BNC2: variants seen among roughly 807,000 people sequenced by gnomAD.
BNC2 encodes the protein zinc finger protein basonuclin-2.
Under a neutral mutation model 76.3 loss-of-function variants are expected in BNC2, and 20 were observed. The ratio of observed to expected loss-of-function variants is 0.26; its 90% CI spans 0.18 to 0.38. The LOEUF is 0.38. BNC2 is among the 10% of genes least tolerant of loss of function. The pLI is 1.00. For synonymous variants in BNC2, 582 were observed against 514.8 expected (o/e 1.13, Z -1.77); for missense variants, 1,382 against 1,399.8 (o/e 0.99, Z 0.20).
chr9:16,418,877 A>G lies in BNC2; in HGVS notation c.*112T>C, dbSNP rs985235387. 2.5e-3 allele frequency: 2,461 copies of G among 1,000,596 alleles called. 4 individuals are homozygous for G. The highest frequency in any genetic ancestry group is 3.2e-3 in the Non-Finnish European group (2,102 of 649,982). 62.0% of individuals were successfully genotyped at this position (1,000,596 alleles called of 1,614,324 possible). Reference sequence around the variant, plus strand: ...AGCCACAGAGCATACATAAATGCACACACACACACACACACACACACACCC... The same window carrying G: ...AGCCACAGAGCATACATAAATGCACGCACACACACACACACACACACACCC... On this transcript the variant is annotated 3_prime_UTR_variant, in exon 7 of 7. Transcript: ENST00000380672.
chr9:16,681,777 T>C (rs1415207980), intron 3 of BNC2, among the ~76,000 whole-genome samples: 1 of 152,166 alleles, frequency 6.6e-6, no homozygotes, highest in Non-Finnish European at 1.5e-5. Flanking sequence ...GGGCTGATGT[T>C]AGAAAATCAA....
intron 5 of BNC2, among the ~76,000 whole-genome samples, chr9:16,470,511 C>T (rs1048349865): frequency 6.6e-6 from 1 of 152,210 alleles, no homozygotes; most frequent in African/African-American, 2.4e-5. Flanking sequence ...CCTCCCATCA[C>T]AGGCCCAGAG....
At chr9:16,454,312 T>C (rs149404110) in intron 5 of BNC2, among the ~76,000 whole-genome samples, 8 of 151,480 alleles carry the variant, frequency 5.3e-5, no homozygotes, top group African/African-American at 1.7e-4. Flanking sequence ...TTATTATTTT[T>C]TAATTTTAGA....
intron 3 of BNC2, among the ~76,000 whole-genome samples, chr9:16,636,629 A>G (rs1183772704): frequency 1.3e-5 from 2 of 152,166 alleles, no homozygotes; most frequent in Non-Finnish European, 2.9e-5. Context: ...TAATGCCTAC[A>G]TATCTATATG....
At chr9:16,644,426 A>G (rs1821569521) in intron 3 of BNC2, among the ~76,000 whole-genome samples, 1 of 152,180 alleles carries the variant, frequency 6.6e-6, no homozygotes, top group Admixed American at 6.6e-5. Flanking sequence ...ACAGGCAACA[A>G]AACTTAAAAT....
chr9:16,805,078 G>A (rs568287898), intron 1 of BNC2, among the ~76,000 whole-genome samples: 1 of 151,994 alleles, frequency 6.6e-6, no homozygotes, highest in Non-Finnish European at 1.5e-5. Flanking sequence ...AAAAAAAGTG[G>A]TGTGGGGATC....
chr9:16,510,290 G>A lies in BNC2; in HGVS notation c.669+42240C>T, dbSNP rs367729901. Among the ~76,000 whole-genome samples the A allele has an allele frequency of 2.6e-5, 4 of 152,258 alleles. No individual in the cohort carries two copies. The East Asian group carries it at 7.7e-4, about 29-fold the overall frequency. On this transcript the variant is annotated intron_variant, in intron 5 of 6. Transcript: ENST00000380672. ...CAGCCTCCTGCTAGGCCTGCATCCT[G>A]GTTTCCTTTCTGCTGAGTTGCTGAT...
chr9:16,534,170 G>A (rs923259285), intron 5 of BNC2, among the ~76,000 whole-genome samples: 14 of 152,096 alleles, frequency 9.2e-5, no homozygotes, highest in African/African-American at 3.4e-4. Context: ...CAATTTTGAG[G>A]ATTACTAGTT....
In BNC2 at chr9:16,439,720, C is replaced by T. The variant is rs961184286; in HGVS notation, c.670-2196G>A. On this transcript the variant is annotated intron_variant, in intron 5 of 6. Coordinates refer to ENST00000380672, the MANE Select transcript of BNC2 (RefSeq NM_017637.6). ...GGGTATTTGGCATTTACTTGAATTA[C>T]TTTTTTAAAAAAGCTCTGATAGTTA... Among the ~76,000 whole-genome samples, 5 of 152,184 alleles carry T rather than the reference C, an allele frequency of 3.3e-5. No individual in the cohort carries two copies. The South Asian group carries it at 1.0e-3, about 31-fold the overall frequency.
chr9:16,836,266 C>T (rs1818703983), intron 1 of BNC2, among the ~76,000 whole-genome samples: 1 of 152,098 alleles, frequency 6.6e-6, no homozygotes, highest in Non-Finnish European at 1.5e-5. Flanking sequence ...CATGGCGCTG[C>T]TTTCAAAAAC....
At chr9:16,718,104 T>C (rs570084385) in intron 3 of BNC2, among the ~76,000 whole-genome samples, 10 of 152,306 alleles carry the variant, frequency 6.6e-5, no homozygotes, top group African/African-American at 1.7e-4. Flanking sequence ...AACACTTCAT[T>C]TTCATTACTC....
intron 3 of BNC2, among the ~76,000 whole-genome samples, chr9:16,678,756 A>T (rs1372218550): frequency 6.6e-6 from 1 of 151,604 alleles, no homozygotes; most frequent in Non-Finnish European, 1.5e-5. Flanking sequence ...TATACTTTGG[A>T]ACCTACACAC....
intron 3 of BNC2, among the ~76,000 whole-genome samples, chr9:16,707,236 ATTT>A (rs1396486032): frequency 6.7e-6 from 1 of 149,086 alleles, no homozygotes; most frequent in Non-Finnish European, 1.5e-5. Flanking sequence ...TAGACATTTG[ATTT>A]TTTTCAAGTA....
intron 3 of BNC2, among the ~76,000 whole-genome samples, chr9:16,619,751 T>C (rs745467711): frequency 6.6e-6 from 1 of 152,204 alleles, no homozygotes; most frequent in Non-Finnish European, 1.5e-5. Flanking sequence ...TTATTACTGC[T>C]GCTCTAAGAT....
intron 3 of BNC2, among the ~76,000 whole-genome samples, chr9:16,665,445 A>AGAAAGAAG (rs1491572223): frequency 7.8e-4 from 80 of 103,180 alleles, no homozygotes; most frequent in African/African-American, 3.3e-3. Flanking sequence ...AAAGAAAGAA[A>AGAAAGAAG]GAAAGAAAGA....
chr9:16,708,076 C>G (rs1431066579), intron 3 of BNC2, among the ~76,000 whole-genome samples: 1 of 152,122 alleles, frequency 6.6e-6, no homozygotes, highest in African/African-American at 2.4e-5. Context: ...TAAGTGGAAT[C>G]AGAACAATAC....
rs1439738029 is a variant in BNC2, at chr9:16,437,086, C to T, written c.1108G>A (p.Glu370Lys). ...QNEYNESSES[E>K]VSPTPYKNDQ... ...TTCTTATAAGGTGTGGGAGAAACTT[C>T]GGATTCGCTGCTCTCATTATATTCA... The change falls in exon 6 of 7, where the codon GAA becomes AAA. Residue 370 changes from glutamate (E) to lysine (K), a missense_variant. By Grantham distance (56) the Glu-to-Lys change is moderately conservative. Transcript: ENST00000380672. The T allele has an allele frequency of 2.5e-6, 4 of 1,613,964 alleles. No individual in the cohort carries two copies. The highest frequency in any genetic ancestry group is 2.2e-5 in the South Asian group (2 of 91,078).
At chr9:16,453,339 TGA>T (rs1221704894) in intron 5 of BNC2, among the ~76,000 whole-genome samples, 1 of 152,184 alleles carries the variant, frequency 6.6e-6, no homozygotes, top group Non-Finnish European at 1.5e-5. Flanking sequence ...AGCCCTCCAC[TGA>T]GATGCTCTTC....
At chr9:16,513,257 T>C (rs894001976) in intron 5 of BNC2, among the ~76,000 whole-genome samples, 3 of 151,324 alleles carry the variant, frequency 2.0e-5, no homozygotes, top group Admixed American at 1.3e-4. Flanking sequence ...TTAAAGTAAA[T>C]AGCTTTTATG....
Sources: allele counts gnomAD v4.1 joint callset (sites outside exome capture counted in the v4.1 genomes callset), GRCh38; gene constraint gnomAD v4.1.1; transcripts MANE v1.5; gene names NCBI Gene and HGNC (gene_info 2026-07-23, HGNC 2026-07-21).